The following CCDC191 variants were observed in gnomAD, a reference collection of about 807,000 sequenced individuals.
CCDC191 encodes coiled-coil domain-containing protein 191.
In CCDC191, 99 loss-of-function variants were observed where a neutral mutation model predicts 114.0. The observed-to-expected ratio is 0.87, with a 90% confidence interval of 0.74 to 1.03. The LOEUF (loss-of-function observed/expected upper bound fraction) is 1.03, where lower values mean the gene tolerates loss of function less well. Among genes scored for constraint, CCDC191 ranks in the 50% least tolerant of loss-of-function variants. The pLI is 0.00. For missense variants in CCDC191, 973 were observed against 1,087.0 expected, an observed-to-expected ratio of 0.90 and a Z score of 1.47; for synonymous variants, 351 against 376.0, an observed-to-expected ratio of 0.93 and a Z score of 0.77.
chr3:114,033,445 G>A (rs117014493), intron 6 of CCDC191, among the ~76,000 whole-genome samples: 2 of 152,300 alleles, frequency 1.3e-5, no homozygotes, highest in East Asian at 3.9e-4. Flanking sequence ...TCCTAAGGCT[G>A]TAATTCCTAG....
At chr3:114,021,688 G>C (rs2076246570) in intron 7 of CCDC191, among the ~76,000 whole-genome samples, 1 of 151,944 alleles carries the variant, frequency 6.6e-6, no homozygotes, top group Non-Finnish European at 1.5e-5. Flanking sequence ...CCTCCCCCCA[G>C]CTTACTTCCT....
At chr3:113,967,844 T>C (rs1209875233) in intron 16 of CCDC191, among the ~76,000 whole-genome samples, 1 of 152,074 alleles carries the variant, frequency 6.6e-6, no homozygotes, top group Non-Finnish European at 1.5e-5. Flanking sequence ...TCTATCTTCA[T>C]GAGATTCACA....
intron 4 of CCDC191, among the ~76,000 whole-genome samples, chr3:114,039,723 GA>G (rs1345099853): frequency 2.7e-5 from 4 of 147,596 alleles, no homozygotes; most frequent in Admixed American, 6.7e-5. Flanking sequence ...TTTTTAACAA[GA>G]AAAAAAAATT....
chr3:114,001,526 G>A (rs2075855687), intron 13 of CCDC191, 69 bp downstream of exon 13: 1 of 1,568,132 alleles, frequency 6.4e-7, no homozygotes, highest in South Asian at 1.2e-5. Flanking sequence ...TAAAGAAGGT[G>A]GATAGGGCCA....
rs1175187907 is a variant in CCDC191, at chr3:114,002,635, T to C, written c.1979-97A>G. 3.9e-6 allele frequency: 5 copies of C among 1,293,700 alleles called. No individual in the cohort carries two copies. The Admixed American group carries it at 1.1e-4, about 29-fold the overall frequency. The allele number at this position is 1,293,700 out of a possible 1,614,324, so 80.1% of individuals were successfully genotyped here. A position where few individuals can be genotyped will look rare whatever the true frequency, so the allele number is the denominator to read the frequency against. On this transcript the variant is annotated intron_variant, in intron 11 of 16. Transcript: ENST00000295878. Reference sequence around the variant, plus strand: ...CTCCATTTCATAGTAAAATTTAGTGTTATTATTAGGGTTTTCTTGTAAGTT... The same window carrying C: ...CTCCATTTCATAGTAAAATTTAGTGCTATTATTAGGGTTTTCTTGTAAGTT...
At position 114,047,800 on chromosome 3, in the gene CCDC191, C is replaced by T. The variant is rs564219016; in HGVS notation, c.130-1068G>A. Among the ~76,000 whole-genome samples the T allele has an allele frequency of 2.0e-5, 3 of 151,504 alleles. No individual in the cohort carries two copies. The South Asian group carries it at 6.3e-4, about 32-fold the overall frequency. Reference sequence around the variant, plus strand: ...GACCAGCCTGGCCAACACGGTGAAACCCTGTATCTACTAAAAATACAAAAA... The same window carrying T: ...GACCAGCCTGGCCAACACGGTGAAATCCTGTATCTACTAAAAATACAAAAA... On this transcript the variant is annotated intron_variant, in intron 2 of 16. Coordinates refer to ENST00000295878, the MANE Select transcript of CCDC191 (RefSeq NM_020817.2).
intron 5 of CCDC191, among the ~76,000 whole-genome samples, chr3:114,035,571 G>T (rs573623362): frequency 3.0e-4 from 45 of 152,250 alleles, no homozygotes; most frequent in Non-Finnish European, 5.4e-4. Context: ...ATAGAACAGT[G>T]ATTTATTGCC....
At chr3:113,984,255 C>T (rs1459890177) in intron 13 of CCDC191, 1 of 151,680 alleles carries the variant, frequency 6.6e-6, no homozygotes, top group Non-Finnish European at 1.5e-5. Context: ...CATTAGAAAA[C>T]ATGGTACCTC....
At chr3:114,034,860 T>G in intron 6 of CCDC191, 65 bp downstream of exon 6, 1 of 1,412,458 alleles carries the variant, frequency 7.1e-7, no homozygotes, top group Non-Finnish European at 9.8e-7. Flanking sequence ...TTCAAAAACT[T>G]CAGAGCATTT....
rs143178316 is a variant in CCDC191, at chr3:113,970,383, C to T, written c.2607-5024G>A. On this transcript the variant is annotated intron_variant, in intron 16 of 16. Transcript: ENST00000295878. Reference sequence around the variant, plus strand: ...CTCTGTCACCCAGGCTGGTCTTGAACCCTTGGCCTCAAGTGATCCTTCCAT... The same window carrying T: ...CTCTGTCACCCAGGCTGGTCTTGAATCCTTGGCCTCAAGTGATCCTTCCAT... 2.6e-5 allele frequency among the ~76,000 whole-genome samples: 4 copies of T among 152,136 alleles called. No individual in the cohort carries two copies. In the East Asian group the frequency reaches 7.7e-4, roughly 29 times the overall value.
intron 6 of CCDC191, 42 bp from the exon 7 acceptor site, chr3:114,031,821 A>G: frequency 1.1e-6 from 1 of 908,598 alleles, no homozygotes; most frequent in Non-Finnish European, 1.7e-6. Context: ...TTTACAATAG[A>G]TTTAAAAATG....
intron 2 of CCDC191, 122 bp downstream of exon 2, chr3:114,053,475 T>G (rs540053410): frequency 4.0e-6 from 2 of 496,454 alleles, no homozygotes; most frequent in Non-Finnish European, 7.1e-6. Flanking sequence ...GCAACTTACA[T>G]AGTCACACGG....
chr3:114,037,839 G>T (rs2076507293), intron 4 of CCDC191, among the ~76,000 whole-genome samples: 1 of 152,138 alleles, frequency 6.6e-6, no homozygotes, highest in African/African-American at 2.4e-5. Context: ...GGGGAATAAT[G>T]ACAAGAAAAA....
chr3:114,010,957 G>A lies in CCDC191; in HGVS notation c.1228C>T (p.Gln410Ter), dbSNP rs757028037. The stretch of plus-strand genomic sequence containing the variant: ...AGGAGCTCGGCGCCATGCCAATGCT[G>A]CCATTCTGTAAAGCAGTGTCGGAGA... Reference protein sequence around the residue: ...QVLRHCFTEWQHWHGAELLKR... With the variant: ...QVLRHCFTEW The change falls in exon 9 of 17, where the codon CAG (glutamine) becomes TAG (stop). Residue 410 changes from glutamine (Q) to a stop codon, truncating the protein, a stop_gained. Coordinates refer to ENST00000295878, the MANE Select transcript of CCDC191 (RefSeq NM_020817.2). LOFTEE classifies it high-confidence loss of function. 2.9e-5 allele frequency: 46 copies of A among 1,613,892 alleles called. No homozygotes were observed. The highest frequency in any genetic ancestry group is 3.8e-5 in the Non-Finnish European group (45 of 1,179,936).
chr3:114,010,284 T>C (rs2076046695), intron 9 of CCDC191, among the ~76,000 whole-genome samples: 1 of 152,212 alleles, frequency 6.6e-6, no homozygotes, highest in African/African-American at 2.4e-5. Context: ...TAGATGGCTA[T>C]ACTTTAACAT....
rs934739914 is a variant in CCDC191 at position 114,015,609 on chromosome 3, G to GAACA, written c.1163+3065_1163+3068dup. On this transcript the variant is annotated intron_variant, in intron 8 of 16. Transcript: ENST00000295878. ...AGATCTGGAACCAACTTTCAAAAAT[G>GAACA]AACACACTAAGGAAATTGAATATAC... is the stretch of plus-strand genomic sequence containing the variant. 2.4e-4 allele frequency among the ~76,000 whole-genome samples: 37 copies of GAACA among 152,194 alleles called. No individual in the cohort carries two copies. The South Asian group carries it at 3.5e-3, about 14-fold the overall frequency.
At chr3:114,033,454 A>G (rs972632678) in intron 6 of CCDC191, among the ~76,000 whole-genome samples, 10 of 152,136 alleles carry the variant, frequency 6.6e-5, no homozygotes, top group Non-Finnish European at 1.5e-4. Flanking sequence ...TGTAATTCCT[A>G]GGTCAAGGGA....
intron 4 of CCDC191, among the ~76,000 whole-genome samples, chr3:114,037,562 C>T (rs1030304683): frequency 1.3e-5 from 2 of 152,116 alleles, no homozygotes; most frequent in African/African-American, 4.8e-5. Context: ...TGTTGATAGA[C>T]ATTTGAATTG....
upstream of CCDC191, chr3:114,056,608 C>G: frequency 6.4e-7 from 1 of 1,570,992 alleles, no homozygotes; most frequent in Non-Finnish European, 8.6e-7. Flanking sequence ...ACCACTCCCA[C>G]GAGGCTCTGC....
Sources: gnomAD v4.1 joint callset for allele counts (sites outside exome capture counted in the v4.1 genomes callset) on GRCh38, gnomAD v4.1.1 for gene constraint, MANE v1.5 for transcripts, NCBI Gene and HGNC (gene_info 2026-07-23, HGNC 2026-07-21) for gene names.